Variants in ZDHHC20 observed in about 807,000 individuals in gnomAD.
The protein encoded by ZDHHC20 is zDHHC palmitoyltransferase 20.
Under a neutral mutation model 57.8 loss-of-function variants are expected in ZDHHC20, and 43 were observed. That is an observed-to-expected ratio of 0.74 (90% CI 0.58 to 0.96). ZDHHC20 has a LOEUF of 0.96. Among genes scored for constraint, ZDHHC20 ranks in the 40% least tolerant of loss-of-function variants. The pLI is 0.00. For synonymous variants in ZDHHC20, 157 were observed against 153.0 expected (o/e 1.03, Z -0.19); for missense variants, 391 against 441.1 (o/e 0.89, Z 1.02).
intron 1 of ZDHHC20, among the ~76,000 whole-genome samples, chr13:21,445,770 T>C (rs1168708331): frequency 1.3e-5 from 2 of 151,868 alleles, no homozygotes; most frequent in Non-Finnish European, 1.5e-5. Flanking sequence ...AATATACGAC[T>C]GGAGAGAAAC....
chr13:21,410,725 C>T (rs1008740752), intron 4 of ZDHHC20, among the ~76,000 whole-genome samples: 3 of 152,176 alleles, frequency 2.0e-5, no homozygotes, highest in Admixed American at 6.5e-5. Context: ...CAAGCTCCAG[C>T]GTCCCAGGTC....
intron 1 of ZDHHC20, among the ~76,000 whole-genome samples, chr13:21,440,705 T>C (rs886934440): frequency 2.7e-5 from 4 of 149,882 alleles, no homozygotes; most frequent in African/African-American, 7.3e-5. Flanking sequence ...TACTAAAACA[T>C]AGCATGAGGT....
At chr13:21,414,554 G>GTTTTTT (rs1399659110) in intron 3 of ZDHHC20, among the ~76,000 whole-genome samples, 1 of 55,006 alleles carries the variant, frequency 1.8e-5, no homozygotes, top group Non-Finnish European at 5.5e-5. Flanking sequence ...TGTATTTTTA[G>GTTTTTT]TAGAGGCGAG....
intron 1 of ZDHHC20, among the ~76,000 whole-genome samples, chr13:21,440,226 T>C (rs551343043): frequency 1.3e-5 from 2 of 152,054 alleles, no homozygotes; most frequent in East Asian, 1.9e-4. Context: ...ATATGACAAA[T>C]AGTAACACTT....
rs1430969998 is a variant in ZDHHC20 at position 21,387,626 on chromosome 13, G to A, written c.736C>T (p.Arg246Cys). Reference protein sequence around the residue: ...GKNRTTIESFRAPTFSYGPDG... With the variant: ...GKNRTTIESFCAPTFSYGPDG... ...GGTCCGTATGAAAACGTGGGTGCGCGGAATGATTCTGTTAAATATACATAC... is the reference window on the plus strand; with the variant it reads ...GGTCCGTATGAAAACGTGGGTGCGCAGAATGATTCTGTTAAATATACATAC... The change falls in exon 9 of 13, where the codon CGC becomes TGC. Residue 246 changes from arginine to cysteine, a missense_variant. Transcript: ENST00000400590. 17 of 1,453,804 alleles carry A rather than the reference G, an allele frequency of 1.2e-5. No homozygotes were observed. Among genetic ancestry groups the A allele is most frequent in the East Asian group, 5.5e-5 (2 of 36,630 alleles). The allele number at this position is 1,453,804 out of a possible 1,614,324, so 90.1% of individuals were successfully genotyped here. A position where few individuals can be genotyped will look rare whatever the true frequency, so the allele number is the denominator to read the frequency against.
At chr13:21,420,386 A>AT (rs1310236137) in intron 3 of ZDHHC20, among the ~76,000 whole-genome samples, 1 of 152,226 alleles carries the variant, frequency 6.6e-6, no homozygotes, top group Non-Finnish European at 1.5e-5. Context: ...TGTTAGTTCC[A>AT]TTTTTTGATA....
intron 7 of ZDHHC20, among the ~76,000 whole-genome samples, chr13:21,397,348 C>T (rs1295732047): frequency 2.6e-5 from 4 of 151,476 alleles, no homozygotes; most frequent in Non-Finnish European, 5.9e-5. Flanking sequence ...AAGAAATCCT[C>T]ATCTAACTCA....
At chr13:21,426,634 CTA>C (rs1198001883) in intron 1 of ZDHHC20, among the ~76,000 whole-genome samples, 12 of 134,920 alleles carry the variant, frequency 8.9e-5, no homozygotes, top group African/African-American at 3.3e-4. Context: ...GAGACAGGGT[CTA>C]GCTCTGTTGC....
intron 7 of ZDHHC20, among the ~76,000 whole-genome samples, chr13:21,399,015 G>A (rs1877240315): frequency 6.6e-6 from 1 of 152,202 alleles, no homozygotes; most frequent in African/African-American, 2.4e-5. Context: ...TTTAAAGAGA[G>A]TTTAAATGAA....
intron 8 of ZDHHC20, chr13:21,390,343 C>T (rs1875449730): frequency 1.3e-5 from 2 of 152,140 alleles, no homozygotes; most frequent in South Asian, 2.1e-4. Context: ...ATGTCAATAG[C>T]TCAGTGAGCA....
chr13:21,440,483 C>A lies in ZDHHC20; in HGVS notation c.119-14805G>T, dbSNP rs979801371. On this transcript the variant is annotated intron_variant, in intron 1 of 12. Transcript: ENST00000400590. ...AAAATTAGCCAGGTATGGTGGCACA[C>A]GCCTGTAGTTCCAGCTACTTGGGAG... Among the ~76,000 whole-genome samples, 8 of 151,976 alleles carry A rather than the reference C, an allele frequency of 5.3e-5. No individual in the cohort carries two copies. The East Asian group carries it at 1.6e-3, about 30-fold the overall frequency.
At chr13:21,404,492 T>C in intron 4 of ZDHHC20, 1 of 400,330 alleles carries the variant, frequency 2.5e-6, no homozygotes, top group African/African-American at 2.1e-5. Flanking sequence ...CTCACACCTG[T>C]AATCCCAGCA....
chr13:21,440,987 A>G (rs551281461), intron 1 of ZDHHC20, among the ~76,000 whole-genome samples: 1 of 152,264 alleles, frequency 6.6e-6, no homozygotes, highest in Non-Finnish European at 1.5e-5. Flanking sequence ...TCCTGCCCCC[A>G]CAGTTTTAAT....
chr13:21,379,054 T>C (rs556183478), intron 11 of ZDHHC20, among the ~76,000 whole-genome samples: 5 of 152,296 alleles, frequency 3.3e-5, no homozygotes, highest in African/African-American at 1.2e-4. Flanking sequence ...CTTAATAGTA[T>C]TGCCTAGGCT....
At chr13:21,381,376 A>G (rs1423220140) in intron 11 of ZDHHC20, 58 bp downstream of exon 11, 4 of 1,285,096 alleles carry the variant, frequency 3.1e-6, no homozygotes, top group African/African-American at 1.5e-5. Flanking sequence ...CACATGTATT[A>G]TATCTGGTGC....
At chr13:21,378,930 G>C (rs1404580679) in intron 11 of ZDHHC20, among the ~76,000 whole-genome samples, 192 bp from the exon 12 acceptor site, 1 of 152,154 alleles carries the variant, frequency 6.6e-6, no homozygotes, top group Non-Finnish European at 1.5e-5. Context: ...TCAAAAGTTT[G>C]ATTTTATGTT....
chr13:21,416,133 A>T (rs2137880946), intron 3 of ZDHHC20, among the ~76,000 whole-genome samples: 1 of 139,814 alleles, frequency 7.2e-6, no homozygotes, highest in African/African-American at 2.7e-5. Flanking sequence ...TGAACCCGGG[A>T]GGTGGAGGTT....
rs1450788140 is a variant in ZDHHC20, at chr13:21,378,687, T to A, written c.*14A>T. ...TTGCTCTTATTCAAATGGTTAGTTA[T>A]GAACAAGTGGTACTCAATTTTCTAT... On this transcript the variant is annotated 3_prime_UTR_variant, in exon 12 of 13. Transcript: ENST00000400590. 3 of 1,461,312 alleles carry A rather than the reference T, an allele frequency of 2.1e-6. No homozygotes were observed. Among genetic ancestry groups the A allele is most frequent in the African/African-American group, 1.4e-5 (1 of 70,928 alleles). The allele number at this position is 1,461,312 out of a possible 1,614,324, so 90.5% of individuals were successfully genotyped here. A position where few individuals can be genotyped will look rare whatever the true frequency, so the allele number is the denominator to read the frequency against.
chr13:21,385,416 A>G (rs1238879178), intron 9 of ZDHHC20, among the ~76,000 whole-genome samples: 1 of 152,200 alleles, frequency 6.6e-6, no homozygotes, highest in Admixed American at 6.5e-5. Flanking sequence ...GCGACAGAGC[A>G]AGACTCTGTC....
Sources: gnomAD v4.1 joint callset for allele counts (sites outside exome capture counted in the v4.1 genomes callset) on GRCh38, gnomAD v4.1.1 for gene constraint, MANE v1.5 for transcripts, NCBI Gene and HGNC (gene_info 2026-07-23, HGNC 2026-07-21) for gene names.